The following RAD54L2 variants were observed in gnomAD, a reference collection of about 807,000 sequenced individuals.
RAD54L2 encodes the protein helicase ARIP4.
Under a neutral mutation model 138.4 loss-of-function variants are expected in RAD54L2, and 27 were observed. The observed-to-expected ratio is 0.20, with a 90% CI of 0.14 to 0.27. RAD54L2 has a LOEUF of 0.27. Ranked by LOEUF, RAD54L2 falls within the 10% of genes least tolerant of loss-of-function variation. RAD54L2 has a pLI of 1.00. For synonymous variants in RAD54L2, 644 were observed against 723.2 expected (o/e 0.89, Z 1.76); for missense variants, 1,396 against 1,890.2 (o/e 0.74, Z 4.85).
At position 51,643,892 on chromosome 3, in the gene RAD54L2, C is replaced by T. The variant is rs1268200736; in HGVS notation, c.2368C>T (p.Pro790Ser). 2.5e-6 allele frequency: 4 copies of T among 1,606,482 alleles called. No individual in the cohort carries two copies. The highest frequency in any genetic ancestry group is 3.4e-6 in the Non-Finnish European group (4 of 1,176,478). The stretch of plus-strand genomic sequence containing the variant: ...CTTCCTAGGGCTAGATGGTAGCACC[C>T]CTGCCTTTGAGAGGGAGCGGCTTAT... ...ISYFRLDGST[P>S]AFERERLINQ... Residue 790 changes from proline to serine, a missense_variant, in exon 16 of 23, where the codon CCT becomes TCT. Transcript: ENST00000684192.
At chr3:51,608,007 G>A (rs1283405322) in intron 3 of RAD54L2, among the ~76,000 whole-genome samples, 3 of 145,686 alleles carry the variant, frequency 2.1e-5, no homozygotes, top group Non-Finnish European at 4.5e-5. Context: ...GCTGCGGGGC[G>A]GAGATGCTCC....
chr3:51,547,960 C>T lies in RAD54L2; in HGVS notation c.-55+6310C>T, dbSNP rs184991048. Among the ~76,000 whole-genome samples, 25 of 152,070 alleles carry T rather than the reference C, an allele frequency of 1.6e-4. No individual in the cohort carries two copies. In the East Asian group the frequency reaches 3.1e-3, roughly 19 times the overall value. On this transcript the variant is annotated intron_variant, in intron 2 of 22. Transcript: ENST00000684192. ...AGGATGGAGTGCAGTGGTACGATCT[C>T]GGCTCCCTGCAACCTCTGCCTCCTG... is the stretch of plus-strand genomic sequence containing the variant.
chr3:51,555,851 T>C (rs1577385548), intron 2 of RAD54L2, among the ~76,000 whole-genome samples: 1 of 152,340 alleles, frequency 6.6e-6, no homozygotes, highest in East Asian at 1.9e-4. Context: ...ACTTCGGTGA[T>C]GGTGACAAGC....
chr3:51,654,683 C>T (rs1701552798), intron 19 of RAD54L2, among the ~76,000 whole-genome samples: 1 of 151,992 alleles, frequency 6.6e-6, no homozygotes, highest in Admixed American at 6.6e-5. Flanking sequence ...CAGGAGTGGA[C>T]TAAACCTGAG....
intron 7 of RAD54L2, among the ~76,000 whole-genome samples, chr3:51,631,176 A>G (rs1416885575): frequency 6.6e-6 from 1 of 152,192 alleles, no homozygotes; most frequent in Non-Finnish European, 1.5e-5. Context: ...CGTAGAAAGC[A>G]CTGGATCTCT....
Position 51,645,296 on chromosome 3 carries a change from T to C in RAD54L2, c.2656+67T>C. 1.4e-6 allele frequency: 2 copies of C among 1,455,810 alleles called. No individual in the cohort carries two copies. The highest frequency in any genetic ancestry group is 9.4e-7 in the Non-Finnish European group (1 of 1,058,266). 90.2% of individuals were successfully genotyped at this position (1,455,810 alleles called of 1,614,324 possible). A position where few individuals can be genotyped will look rare whatever the true frequency, so the allele number is the denominator to read the frequency against. ...GCTACCATCCTTTTAGTATCAAGGGTGGGAGAGGAGCAGGATATGGGAACA... is the reference window on the plus strand; with the variant it reads ...GCTACCATCCTTTTAGTATCAAGGGCGGGAGAGGAGCAGGATATGGGAACA... On this transcript the variant is annotated intron_variant, in intron 17 of 22. Transcript: ENST00000684192. This position sits in a 1 kb window ranked among gnomAD's most constrained non-coding sequence, Gnocchi z 6.1.
intron 3 of RAD54L2, among the ~76,000 whole-genome samples, chr3:51,596,568 A>T (rs976431399): frequency 5.9e-5 from 9 of 152,162 alleles, no homozygotes; most frequent in Non-Finnish European, 1.3e-4. Flanking sequence ...TTCACTCCAA[A>T]ATTTCAGCTA....
At chr3:51,629,187 C>A (rs998284562) in intron 4 of RAD54L2, 147 bp from the exon 5 acceptor site, 19 of 814,324 alleles carry the variant, frequency 2.3e-5, no homozygotes, top group Non-Finnish European at 3.6e-5. Context: ...AATGCTGCTC[C>A]TTGCATGGGT....
rs762101001 is a variant in RAD54L2 at position 51,663,072 on chromosome 3, C to T, written c.4056C>T (p.Pro1352=). Residue 1352 remains proline, a synonymous_variant, in exon 23 of 23, where the codon CCC becomes CCT. Coordinates refer to ENST00000684192, the MANE Select transcript of RAD54L2 (RefSeq NM_015106.4). ...VTTDPLVPAG[P]VSSSSTATSV... is the part of the protein sequence containing the mutation. ...CTGACCCTCTGGTGCCAGCAGGCCCCGTCAGTTCCTCTTCCACGGCTACCT... is the reference window on the plus strand; with the variant it reads ...CTGACCCTCTGGTGCCAGCAGGCCCTGTCAGTTCCTCTTCCACGGCTACCT... 8.7e-6 allele frequency: 14 copies of T among 1,613,862 alleles called. No homozygotes were observed. The highest frequency in any genetic ancestry group is 3.3e-5 in the Admixed American group (2 of 60,008).
In RAD54L2 at chr3:51,630,333, A is replaced by G; in HGVS notation, c.543A>G (p.Glu181=). The change falls in exon 6 of 23, where the codon GAA becomes GAG. Residue 181 remains glutamate, a synonymous_variant. Transcript: ENST00000684192. The stretch of plus-strand genomic sequence containing the variant: ...TGCCTCCTCGGGTCTTGGCCCAGGA[A>G]GTCATTTGTTTGGACAGTAGCAGTG... ...PQLPPRVLAQ[E]VICLDSSSGS... 1 of 1,614,008 alleles carries G rather than the reference A, an allele frequency of 6.2e-7. No homozygotes were observed. The highest frequency in any genetic ancestry group is 8.5e-7 in the Non-Finnish European group (1 of 1,179,878).
Position 51,637,995 on chromosome 3 carries a change from G to A in RAD54L2, c.1683-149G>A, listed in dbSNP as rs1363369984. ...TAAGGTGAGTTTCTTCTTGGTTGTT[G>A]AACCACTCTGCATTATTGCAAGGCT... On this transcript the variant is annotated intron_variant, in intron 11 of 22. Coordinates refer to ENST00000684192, the MANE Select transcript of RAD54L2 (RefSeq NM_015106.4). The surrounding 1 kb of genome is among the most constrained non-coding windows in gnomAD (Gnocchi z 5.9). 4 of 719,654 alleles carry A rather than the reference G, an allele frequency of 5.6e-6. No individual in the cohort carries two copies. In the East Asian group the frequency reaches 1.1e-4, roughly 20 times the overall value. The allele number at this position is 719,654 out of a possible 1,614,324, so 44.6% of individuals were successfully genotyped here. A position where few individuals can be genotyped will look rare whatever the true frequency, so the allele number is the denominator to read the frequency against.
At position 51,581,214 on chromosome 3, in the gene RAD54L2, C is replaced by T. The variant is rs1001204400; in HGVS notation, c.-54-9153C>T. Among the ~76,000 whole-genome samples, 3 of 152,134 alleles carry T rather than the reference C, an allele frequency of 2.0e-5. No homozygotes were observed. In the East Asian group the frequency reaches 5.8e-4, roughly 29 times the overall value. ...CTGGGTTCAAGCGATTCTCCTGCCT[C>T]AGTCTACCAGGTTGCTGGGACTACA... is the stretch of plus-strand genomic sequence containing the variant. On this transcript the variant is annotated intron_variant, in intron 2 of 22. Transcript: ENST00000684192.
chr3:51,643,659 A>G (rs866174963), intron 15 of RAD54L2, among the ~76,000 whole-genome samples: 2 of 152,366 alleles, frequency 1.3e-5, no homozygotes, highest in Middle Eastern at 3.4e-3. Context: ...AATGTAGTTT[A>G]TAATCCATGG....
At chr3:51,613,657 C>T (rs182922522) in intron 3 of RAD54L2, among the ~76,000 whole-genome samples, 35 of 150,490 alleles carry the variant, frequency 2.3e-4, no homozygotes, top group South Asian at 2.1e-4. Flanking sequence ...ATCCCAGCTA[C>T]GGGAGGCTGA....
intron 2 of RAD54L2, among the ~76,000 whole-genome samples, chr3:51,565,670 A>C (rs1699198735): frequency 6.6e-6 from 1 of 151,956 alleles, no homozygotes; most frequent in South Asian, 2.1e-4. Context: ...ATGGGGTTTC[A>C]CCGTGTTGGC....
intron 2 of RAD54L2, among the ~76,000 whole-genome samples, chr3:51,571,785 G>C (rs1222796031): frequency 6.6e-6 from 1 of 151,944 alleles, no homozygotes; most frequent in Admixed American, 6.6e-5. Context: ...TTCTTCTCAA[G>C]AATTAACATC....
Position 51,649,737 on chromosome 3 carries a change from G to A in RAD54L2, c.3026+3256G>A, listed in dbSNP as rs577771035. Among the ~76,000 whole-genome samples the A allele has an allele frequency of 1.5e-4, 23 of 152,104 alleles. No homozygotes were observed. In the South Asian group the frequency reaches 3.9e-3, roughly 26 times the overall value. On this transcript the variant is annotated intron_variant, in intron 19 of 22. Transcript: ENST00000684192. ...AGGAGAAATAAAATCCTCAAATGCT[G>A]AGAGATTTGTCACCACCAGGCCTAC... is the stretch of plus-strand genomic sequence containing the variant.
At chr3:51,649,778 G>A (rs1701381378) in intron 19 of RAD54L2, among the ~76,000 whole-genome samples, 1 of 152,172 alleles carries the variant, frequency 6.6e-6, no homozygotes, top group Non-Finnish European at 1.5e-5. Context: ...GAGACCTCCT[G>A]AAGGAAGCAC....
At chr3:51,585,647 G>A (rs1049968980) in intron 2 of RAD54L2, among the ~76,000 whole-genome samples, 5 of 152,130 alleles carry the variant, frequency 3.3e-5, no homozygotes, top group African/African-American at 9.7e-5. Context: ...TCACTCTCAC[G>A]ATTGCTATGA....
Sources: allele counts gnomAD v4.1 joint callset (sites outside exome capture counted in the v4.1 genomes callset), GRCh38; gene constraint gnomAD v4.1.1; non-coding constraint Gnocchi (gnomAD v3.1); transcripts MANE v1.5; gene names NCBI Gene and HGNC (gene_info 2026-07-23, HGNC 2026-07-21).